The following CTNNA2 variants were observed in gnomAD, a reference collection of about 807,000 sequenced individuals.
The protein encoded by CTNNA2 is catenin alpha-2.
Under a neutral mutation model 101.0 loss-of-function variants are expected in CTNNA2, and 42 were observed. The observed-to-expected ratio is 0.42, with a 90% CI of 0.32 to 0.54. CTNNA2 has a LOEUF of 0.54. Among genes scored for constraint, CTNNA2 ranks in the 20% least tolerant of loss-of-function variants. CTNNA2 has a pLI of 0.14. For synonymous variants in CTNNA2, 450 were observed against 456.4 expected, an observed-to-expected ratio of 0.99 and a Z score of 0.18; for missense variants, 871 against 1,223.1, an observed-to-expected ratio of 0.71 and a Z score of 4.29.
chr2:79,207,030 C>G (rs1674108786), intron 2 of CTNNA2, among the ~76,000 whole-genome samples: 1 of 152,150 alleles, frequency 6.6e-6, no homozygotes, highest in Admixed American at 6.5e-5. Context: ...GGTTCTGTTT[C>G]TGGCAATGTG....
At chr2:80,607,451 C>T (rs1476349660) in intron 16 of CTNNA2, among the ~76,000 whole-genome samples, 2 of 151,830 alleles carry the variant, frequency 1.3e-5, no homozygotes, top group African/African-American at 4.8e-5. Flanking sequence ...TTGATGGACA[C>T]CCGCCTACTT....
intron 2 of CTNNA2, among the ~76,000 whole-genome samples, chr2:79,703,424 C>T (rs1291404792): frequency 1.3e-5 from 2 of 152,134 alleles, no homozygotes; most frequent in Non-Finnish European, 2.9e-5. Flanking sequence ...ATTTTCTTAT[C>T]GCTTACCTAT....
At chr2:79,780,072 C>T (rs1040782063) in intron 3 of CTNNA2, among the ~76,000 whole-genome samples, 1 of 152,192 alleles carries the variant, frequency 6.6e-6, no homozygotes, top group African/African-American at 2.4e-5. Context: ...GTAACCCAGA[C>T]AGTCCTTTCT....
At chr2:79,658,718 A>C (rs62140117) in intron 2 of CTNNA2, among the ~76,000 whole-genome samples, 1 of 151,990 alleles carries the variant, frequency 6.6e-6, no homozygotes, top group Non-Finnish European at 1.5e-5. Flanking sequence ...AAACTTAATA[A>C]ATAACACTAA....
In CTNNA2 at chr2:80,331,348, G is replaced by A. The variant is rs531711824; in HGVS notation, c.1057-61863G>A. 2.3e-4 allele frequency among the ~76,000 whole-genome samples: 35 copies of A among 152,318 alleles called. No homozygotes were observed. The Middle Eastern group carries it at 0.01, about 44-fold the overall frequency. On this transcript the variant is annotated intron_variant, in intron 7 of 18. Coordinates refer to ENST00000402739, the MANE Select transcript of CTNNA2 (RefSeq NM_001282597.3). ...GGGCTCATTTTAATGCCATCCAAGC[G>A]TATGGGTTTAAATACTCTCCAATTC...
intron 18 of CTNNA2, among the ~76,000 whole-genome samples, chr2:80,631,120 A>G (rs2149830678): frequency 6.6e-6 from 1 of 152,278 alleles, no homozygotes; most frequent in African/African-American, 2.4e-5. Flanking sequence ...AACTTTGTCA[A>G]AGGCTAGATT....
At chr2:79,354,048 G>C (rs963708859) in intron 3 of CTNNA2, among the ~76,000 whole-genome samples, 3 of 152,068 alleles carry the variant, frequency 2.0e-5, no homozygotes, top group African/African-American at 7.2e-5. Flanking sequence ...TCCTATGCTA[G>C]ACTGTTGGAG....
At chr2:79,474,731 C>G (rs1376769703) in intron 4 of CTNNA2, among the ~76,000 whole-genome samples, 2 of 152,102 alleles carry the variant, frequency 1.3e-5, no homozygotes, top group African/African-American at 4.8e-5. Flanking sequence ...AGTCTAGAAT[C>G]AGAAGTGTGG....
At chr2:79,827,186 C>T (rs1430950312) in intron 3 of CTNNA2, among the ~76,000 whole-genome samples, 2 of 151,864 alleles carry the variant, frequency 1.3e-5, no homozygotes, top group Non-Finnish European at 2.9e-5. Flanking sequence ...TTACAGGCGC[C>T]CGCCACCACG....
intron 7 of CTNNA2, among the ~76,000 whole-genome samples, chr2:80,380,399 C>G (rs1676411617): frequency 6.6e-6 from 1 of 152,130 alleles, no homozygotes; most frequent in Non-Finnish European, 1.5e-5. Context: ...GGAGGAACAA[C>G]TGAGAAACTC....
chr2:80,199,590 GAAAGGGCAGTACATTTC>G (rs1271565428), intron 7 of CTNNA2, among the ~76,000 whole-genome samples: 2 of 152,188 alleles, frequency 1.3e-5, no homozygotes, highest in African/African-American at 4.8e-5. Context: ...CAGAATGAGG[GAAAGGGCAGTACATTTC>G]AAAGGAGAAA....
rs192298463 is a variant in CTNNA2, at chr2:79,708,638, T to C, written c.103-35749T>C. ...TTAAATTAAAATTATATTATTTAACTTGCAATTCATATACTGTAATTTTTA... is the reference window on the plus strand; with the variant it reads ...TTAAATTAAAATTATATTATTTAACCTGCAATTCATATACTGTAATTTTTA... On this transcript the variant is annotated intron_variant, in intron 2 of 18. Coordinates refer to ENST00000402739, the MANE Select transcript of CTNNA2 (RefSeq NM_001282597.3). 1.6e-3 allele frequency among the ~76,000 whole-genome samples: 238 copies of C among 152,168 alleles called. 1 individual carries two copies. The highest frequency in any genetic ancestry group is 2.9e-3 in the Non-Finnish European group (198 of 68,016).
At chr2:79,345,159 A>G (rs755736275) in intron 3 of CTNNA2, among the ~76,000 whole-genome samples, 2 of 151,592 alleles carry the variant, frequency 1.3e-5, no homozygotes, top group Non-Finnish European at 2.9e-5. Context: ...TTATAGTATG[A>G]TGATATCTTT....
At chr2:80,475,531 A>G (rs577372270) in intron 9 of CTNNA2, among the ~76,000 whole-genome samples, 47 of 152,320 alleles carry the variant, frequency 3.1e-4, no homozygotes, top group African/African-American at 1.1e-3. Context: ...AGATATAAAT[A>G]TCCCTTGTGT....
intron 18 of CTNNA2, among the ~76,000 whole-genome samples, chr2:80,633,676 A>ACT (rs1445488551): frequency 2.6e-5 from 4 of 152,182 alleles, no homozygotes; most frequent in Non-Finnish European, 1.5e-5. Flanking sequence ...AAAAAAGTTA[A>ACT]CTTTTCTCTA....
chr2:80,610,479 G>A (rs1228884758), intron 17 of CTNNA2, among the ~76,000 whole-genome samples: 1 of 151,392 alleles, frequency 6.6e-6, no homozygotes, highest in African/African-American at 2.4e-5. Context: ...ATAGTTTAAT[G>A]TACAATCAAA....
intron 1 of CTNNA2, among the ~76,000 whole-genome samples, chr2:79,526,000 G>A (rs1199572540): frequency 1.3e-5 from 2 of 151,832 alleles, no homozygotes; most frequent in Admixed American, 1.3e-4. Flanking sequence ...TTTTTTGTTT[G>A]CTGTTTATGA....
At chr2:80,088,612 T>A (rs1171889383) in intron 7 of CTNNA2, among the ~76,000 whole-genome samples, 2 of 152,226 alleles carry the variant, frequency 1.3e-5, no homozygotes, top group East Asian at 1.9e-4. Flanking sequence ...TTTAAAAAAA[T>A]ATTTGCCTCA....
At chr2:79,509,724 G>T (rs1671494934), upstream of CTNNA2, among the ~76,000 whole-genome samples, 1 of 152,188 alleles carries the variant, frequency 6.6e-6, no homozygotes, top group African/African-American at 2.4e-5. Context: ...ACAAAACCAA[G>T]AGTGAACTCT....
Sources: allele counts gnomAD v4.1 joint callset (sites outside exome capture counted in the v4.1 genomes callset), GRCh38; gene constraint gnomAD v4.1.1; transcripts MANE v1.5; gene names NCBI Gene and HGNC (gene_info 2026-07-23, HGNC 2026-07-21).